URB1: variants seen among roughly 807,000 people sequenced by gnomAD.
URB1 encodes the protein URB1 ribosome biogenesis factor, also known as nucleolar pre-ribosomal-associated protein 1.
URB1 carries 197 observed loss-of-function variants against 242.3 expected under a neutral mutation model. The ratio of observed to expected loss-of-function variants is 0.81; its 90% CI spans 0.72 to 0.91. The LOEUF is 0.91. Among genes scored for constraint, URB1 ranks in the 40% least tolerant of loss-of-function variants. The pLI is 0.00. For missense variants in URB1, 2,721 were observed against 2,860.5 expected, an observed-to-expected ratio of 0.95 and a Z score of 1.11; for synonymous variants, 1,153 against 1,201.8, an observed-to-expected ratio of 0.96 and a Z score of 0.84.
At chr21:32,333,500 C>G in intron 29 of URB1, 81 bp from the exon 30 acceptor site, 1 of 1,092,966 alleles carries the variant, frequency 9.1e-7, no homozygotes, top group Middle Eastern at 2.2e-4. Flanking sequence ...ATCTGAAACA[C>G]CTGGGATCAG....
chr21:32,378,142 T>A (rs2033480518), intron 5 of URB1, among the ~76,000 whole-genome samples: 1 of 152,228 alleles, frequency 6.6e-6, no homozygotes, highest in African/African-American at 2.4e-5. Flanking sequence ...TCCATAGCCA[T>A]AAAGCCTCCT....
intron 10 of URB1, among the ~76,000 whole-genome samples, chr21:32,365,793 G>A (rs191579036): frequency 3.7e-4 from 57 of 152,290 alleles, no homozygotes; most frequent in Admixed American, 9.1e-4. Context: ...GTGACTGTGC[G>A]CATTACCACA....
At position 32,314,804 on chromosome 21, in the gene URB1, AACCTGTTGTTTC is replaced by A. The variant is rs1273921459; in HGVS notation, c.*102_*113del. The stretch of plus-strand genomic sequence containing the variant: ...GTCAAAGAACTGAGCCAATGTACTG[AACCTGTTGTTTC>A]CCATGCCTTCTCTGGAAACCCTTGA... On this transcript the variant is annotated 3_prime_UTR_variant, in exon 39 of 39. Transcript: ENST00000382751. The A allele has an allele frequency of 1.6e-4, 242 of 1,466,894 alleles. 3 individuals carry two copies. In the Middle Eastern group the frequency reaches 2.1e-3, roughly 13 times the overall value. The allele number at this position is 1,466,894 out of a possible 1,614,324, so 90.9% of individuals were successfully genotyped here.
chr21:32,347,915 A>G (rs1601137206), intron 21 of URB1, 104 bp from the exon 22 acceptor site: 1 of 1,427,008 alleles, frequency 7.0e-7, no homozygotes, highest in Non-Finnish European at 9.2e-7. Context: ...GACAGAGAGC[A>G]GAAGGCCCCT....
chr21:32,341,994 AAC>A (rs1176664550), intron 24 of URB1, among the ~76,000 whole-genome samples: 3 of 152,280 alleles, frequency 2.0e-5, no homozygotes, highest in South Asian at 2.1e-4. Flanking sequence ...GTAAATATGA[AAC>A]ACAGTCATCC....
chr21:32,388,588 TATGAGCA>T (rs2033607548), intron 1 of URB1, among the ~76,000 whole-genome samples: 2 of 152,256 alleles, frequency 1.3e-5, no homozygotes, highest in South Asian at 2.1e-4. Flanking sequence ...TGGTGGTGAT[TATGAGCA>T]GGCCATGGGT....
At chr21:32,370,002 A>C (rs912565848) in intron 8 of URB1, among the ~76,000 whole-genome samples, 1 of 151,470 alleles carries the variant, frequency 6.6e-6, no homozygotes, top group Admixed American at 6.6e-5. Flanking sequence ...AAAAAGTAAG[A>C]AGCAGGAAAG....
chr21:32,384,308 C>A lies in URB1; in HGVS notation c.434+5G>T. On this transcript the variant is annotated splice_donor_5th_base_variant and intron_variant, in intron 3 of 38. Transcript: ENST00000382751. ...TCCTTTGTCACACCAAGGCAGACTG[C>A]CTACCTGTAACCTGAGGCATACAGG... 3.2e-6 allele frequency: 5 copies of A among 1,549,744 alleles called. No individual in the cohort carries two copies. The highest frequency in any genetic ancestry group is 1.4e-5 in the African/African-American group (1 of 73,118).
At chr21:32,318,165 G>A (rs2032716522) in intron 36 of URB1, among the ~76,000 whole-genome samples, 1 of 152,180 alleles carries the variant, frequency 6.6e-6, no homozygotes, top group Non-Finnish European at 1.5e-5. Flanking sequence ...GAAACCTCCT[G>A]AAACCCTGGC....
chr21:32,342,998 A>G (rs906384711), intron 24 of URB1, among the ~76,000 whole-genome samples: 2 of 151,974 alleles, frequency 1.3e-5, no homozygotes, highest in African/African-American at 4.8e-5. Context: ...TCGGGTGGGG[A>G]AAAAAAATCT....
intron 12 of URB1, 36 bp from the exon 13 acceptor site, chr21:32,361,159 A>AG (rs1555839832): frequency 3.3e-5 from 9 of 270,200 alleles, no homozygotes; most frequent in East Asian, 1.8e-4. Context: ...AAAAAGAGAA[A>AG]AAAGAAAGAA....
chr21:32,382,724 G>C (rs1425881823), intron 4 of URB1, among the ~76,000 whole-genome samples: 1 of 152,062 alleles, frequency 6.6e-6, no homozygotes, highest in African/African-American at 2.4e-5. Context: ...GCAACCAGAA[G>C]AGGCCCTACG....
rs2033432361 is a variant in URB1 at position 32,373,914 on chromosome 21, A to G, written c.751-142T>C. The G allele has an allele frequency of 6.2e-6, 5 of 800,874 alleles. No individual in the cohort carries two copies. In the South Asian group the frequency reaches 1.1e-4, roughly 18 times the overall value. 49.6% of individuals were successfully genotyped at this position (800,874 alleles called of 1,614,324 possible). On this transcript the variant is annotated intron_variant, in intron 6 of 38. Coordinates refer to ENST00000382751, the MANE Select transcript of URB1 (RefSeq NM_014825.3). Reference sequence around the variant, plus strand: ...AGTGGCAGAAAATTTGGTTTAAAAAAAGGAAAAACATAAAGGGAAATTCAC... The same window carrying G: ...AGTGGCAGAAAATTTGGTTTAAAAAGAGGAAAAACATAAAGGGAAATTCAC...
intron 1 of URB1, among the ~76,000 whole-genome samples, chr21:32,388,561 C>T (rs2033607163): frequency 6.6e-6 from 1 of 152,202 alleles, no homozygotes; most frequent in Admixed American, 6.5e-5. Context: ...TCCATTGCTG[C>T]CGTCTGCAGC....
intron 8 of URB1, among the ~76,000 whole-genome samples, chr21:32,370,953 A>G (rs7278489): frequency 0.19 from 28,569 of 152,214 alleles, 4,283 homozygotes; most frequent in African/African-American, 0.42. Context: ...ATAATAGACC[A>G]GCGCCCGTTC....
chr21:32,319,474 C>A, intron 35 of URB1, 60 bp from the exon 36 acceptor site: 1 of 1,413,376 alleles, frequency 7.1e-7, no homozygotes, highest in Non-Finnish European at 9.3e-7. Context: ...CAGGATCAGA[C>A]TATCGCCCTC....
chr21:32,346,870 C>T (rs2033091237), intron 22 of URB1, 86 bp downstream of exon 22: 1 of 1,435,928 alleles, frequency 7.0e-7, no homozygotes, highest in Non-Finnish European at 9.2e-7. Context: ...ACCTGAATTT[C>T]TAGGGTTTAA....
intron 1 of URB1, among the ~76,000 whole-genome samples, chr21:32,387,326 G>A (rs909021596): frequency 6.6e-6 from 1 of 152,088 alleles, no homozygotes; most frequent in Non-Finnish European, 1.5e-5. Context: ...CCTGCCTCTC[G>A]GAGAATCACT....
At chr21:32,323,996 C>T (rs760070839) in intron 32 of URB1, among the ~76,000 whole-genome samples, 17 of 152,192 alleles carry the variant, frequency 1.1e-4, no homozygotes, top group Non-Finnish European at 1.5e-4. Context: ...TCCTCATCAC[C>T]CTCACAGCAA....
Sources: allele counts gnomAD v4.1 joint callset (sites outside exome capture counted in the v4.1 genomes callset), GRCh38; gene constraint gnomAD v4.1.1; transcripts MANE v1.5; gene names NCBI Gene and HGNC (gene_info 2026-07-23, HGNC 2026-07-21).